The following ABCA13 variants were observed in gnomAD, a reference collection of about 807,000 sequenced individuals.
The protein encoded by ABCA13 is ATP binding cassette subfamily A member 13.
ABCA13 carries 476 observed loss-of-function variants against 478.7 expected under a neutral mutation model. The ratio of observed to expected loss-of-function variants is 0.99; its 90% confidence interval spans 0.92 to 1.07. The LOEUF is 1.07. Among genes scored for constraint, ABCA13 ranks in the 50% least tolerant of loss-of-function variants. The probability of loss-of-function intolerance (pLI) is 0.00; values close to 1 mark genes in which losing one functional copy is unlikely to be tolerated. For synonymous variants in ABCA13, 2,252 were observed against 2,158.9 expected, an observed-to-expected ratio of 1.04 and a Z score of -1.20; for missense variants, 6,060 against 5,910.6, an observed-to-expected ratio of 1.03 and a Z score of -0.83.
At chr7:48,403,949 A>T in intron 39 of ABCA13, 70 bp downstream of exon 39, 1 of 1,520,666 alleles carries the variant, frequency 6.6e-7, no homozygotes. Flanking sequence ...TTGCTACTGT[A>T]CAGTAGAATC....
chr7:48,448,046 T>G (rs1824517891), intron 42 of ABCA13, among the ~76,000 whole-genome samples: 2 of 152,194 alleles, frequency 1.3e-5, no homozygotes, highest in African/African-American at 4.8e-5. Context: ...CATCACTAAC[T>G]TTTCCAAGAG....
At chr7:48,461,237 TAACATAC>T (rs1826207746) in intron 43 of ABCA13, among the ~76,000 whole-genome samples, 1 of 152,202 alleles carries the variant, frequency 6.6e-6, no homozygotes, top group Non-Finnish European at 1.5e-5. Context: ...TCTGGCAGAA[TAACATAC>T]AAAGTGCTGG....
At chr7:48,172,257 A>G (rs1313618995) in intron 1 of ABCA13, among the ~76,000 whole-genome samples, 1 of 152,204 alleles carries the variant, frequency 6.6e-6, no homozygotes. Flanking sequence ...GGAGAAGTAG[A>G]TGTGCAGTAA....
intron 27 of ABCA13, among the ~76,000 whole-genome samples, chr7:48,328,050 A>G (rs1804598101): frequency 6.6e-6 from 1 of 152,252 alleles, no homozygotes; most frequent in South Asian, 2.1e-4. Context: ...AAACGGACAC[A>G]AAGCCTGATA....
intron 23 of ABCA13, among the ~76,000 whole-genome samples, chr7:48,300,783 T>TA (rs2128853289): frequency 6.6e-6 from 1 of 152,258 alleles, no homozygotes; most frequent in East Asian, 1.9e-4. Context: ...ATCACCCAAT[T>TA]AAAACCACAA....
rs753158949 is a variant in ABCA13, at chr7:48,516,872, C to A, written c.13788C>A (p.Ser4596=). 1.9e-6 allele frequency: 3 copies of A among 1,613,622 alleles called. No individual in the cohort carries two copies. The highest frequency in any genetic ancestry group is 2.5e-6 in the Non-Finnish European group (3 of 1,179,634). The change falls in exon 52 of 62, where the codon TCC becomes TCA. Residue 4596 remains serine (S), a synonymous_variant. Transcript: ENST00000435803. ...TGCCCCGGTTGCTAGCCATCATCTC[C>A]AAAGCTAAGGTCAGTAGCTTTGTAG... The part of the protein sequence containing the change: ...TIMPRLLAII[S]KAKNLQNIYD...
chr7:48,321,215 G>GCTATACAT (rs1191296237), intron 27 of ABCA13, among the ~76,000 whole-genome samples: 1 of 152,198 alleles, frequency 6.6e-6, no homozygotes, highest in Non-Finnish European at 1.5e-5. Context: ...CAGGGATGCT[G>GCTATACAT]CTATACATCC....
chr7:48,504,121 G>T (rs1177535973), intron 48 of ABCA13, among the ~76,000 whole-genome samples: 1 of 152,170 alleles, frequency 6.6e-6, no homozygotes, highest in African/African-American at 2.4e-5. Context: ...TGGGGTGTCA[G>T]CAGGGTTGGA....
intron 40 of ABCA13, among the ~76,000 whole-genome samples, chr7:48,410,996 T>TTTCTTTTA (rs1458980645): frequency 9.6e-6 from 1 of 104,170 alleles, no homozygotes; most frequent in East Asian, 2.9e-4. Context: ...TCTTTCTTTC[T>TTTCTTTTA]TTCTTTCTTT....
intron 3 of ABCA13, among the ~76,000 whole-genome samples, chr7:48,217,798 T>C (rs1786713837): frequency 1.3e-5 from 2 of 152,156 alleles, no homozygotes; most frequent in South Asian, 4.1e-4. Flanking sequence ...GAAAGTTCAG[T>C]CATCTCTGCC....
chr7:48,495,102 C>T (rs1830163559), intron 48 of ABCA13, among the ~76,000 whole-genome samples: 1 of 152,134 alleles, frequency 6.6e-6, no homozygotes, highest in Non-Finnish European at 1.5e-5. Flanking sequence ...TGTCATGATT[C>T]TATCAAAATT....
intron 23 of ABCA13, among the ~76,000 whole-genome samples, chr7:48,299,457 C>T (rs1194625747): frequency 1.3e-5 from 2 of 152,190 alleles, no homozygotes; most frequent in Admixed American, 1.3e-4. Flanking sequence ...GGAAAAATGT[C>T]AAATTCAGCT....
At chr7:48,336,374 G>T (rs1806265786) in intron 28 of ABCA13, among the ~76,000 whole-genome samples, 1 of 152,188 alleles carries the variant, frequency 6.6e-6, no homozygotes, top group Non-Finnish European at 1.5e-5. Context: ...ATTTTATTTT[G>T]GGAGATAGCT....
intron 29 of ABCA13, among the ~76,000 whole-genome samples, chr7:48,340,379 TAC>T (rs1251350109): frequency 3.9e-5 from 6 of 152,212 alleles, no homozygotes; most frequent in Non-Finnish European, 8.8e-5. Context: ...GTGCTGGGAT[TAC>T]AGGCGTGAGC....
chr7:48,461,258 C>T (rs1349455770), intron 43 of ABCA13, among the ~76,000 whole-genome samples: 1 of 152,124 alleles, frequency 6.6e-6, no homozygotes, highest in East Asian at 1.9e-4. Flanking sequence ...GTGCTGGCTG[C>T]CCCTCTGATC....
intron 29 of ABCA13, among the ~76,000 whole-genome samples, chr7:48,340,918 C>T (rs983848229): frequency 5.9e-5 from 9 of 152,260 alleles, no homozygotes; most frequent in Non-Finnish European, 1.2e-4. Context: ...TCTTTGGGAT[C>T]GGTCCTTATA....
chr7:48,512,159 AG>A, intron 51 of ABCA13, among the ~76,000 whole-genome samples: 1 of 145,610 alleles, frequency 6.9e-6, no homozygotes, highest in African/African-American at 2.8e-5. Context: ...GAGAGAAACA[AG>A]ACAGACAGAC....
chr7:48,216,423 C>T (rs1444495674), intron 3 of ABCA13, among the ~76,000 whole-genome samples: 2 of 152,080 alleles, frequency 1.3e-5, no homozygotes, highest in Non-Finnish European at 2.9e-5. Flanking sequence ...ATCTTTTGCC[C>T]ATTTTAAATT....
chr7:48,255,230 G>A (rs1442724623), intron 15 of ABCA13, among the ~76,000 whole-genome samples: 1 of 152,204 alleles, frequency 6.6e-6, no homozygotes, highest in Non-Finnish European at 1.5e-5. Flanking sequence ...CTCAGCATGA[G>A]TAGTGTTGTG....
Sources: gnomAD v4.1 joint callset for allele counts (sites outside exome capture counted in the v4.1 genomes callset) on GRCh38, gnomAD v4.1.1 for gene constraint, MANE v1.5 for transcripts, NCBI Gene and HGNC (gene_info 2026-07-23, HGNC 2026-07-21) for gene names.